The following SNX29 variants were observed in gnomAD, a reference collection of about 807,000 sequenced individuals.
The protein encoded by SNX29 is sorting nexin-29.
In SNX29, 78 loss-of-function variants were observed where a neutral mutation model predicts 102.1. That is an observed-to-expected ratio of 0.76 (90% CI 0.64 to 0.92). SNX29 has a LOEUF of 0.92. Among genes scored for constraint, SNX29 ranks in the 40% least tolerant of loss-of-function variants. SNX29 has a pLI of 0.00. For synonymous variants in SNX29, 580 were observed against 414.5 expected (o/e 1.40, Z -4.85); for missense variants, 1,280 against 1,061.7 (o/e 1.21, Z -2.86).
chr16:12,207,762 G>C (rs2077082326), intron 14 of SNX29, among the ~76,000 whole-genome samples: 1 of 152,140 alleles, frequency 6.6e-6, no homozygotes, highest in East Asian at 1.9e-4. Flanking sequence ...GGATCTTTCA[G>C]TTTCCTAAAC....
intron 11 of SNX29, among the ~76,000 whole-genome samples, chr16:12,097,130 T>C (rs2052799429): frequency 6.6e-6 from 1 of 152,224 alleles, no homozygotes; most frequent in African/African-American, 2.4e-5. Flanking sequence ...TATGAAGCCC[T>C]TGAGGAAGCA....
intron 20 of SNX29, among the ~76,000 whole-genome samples, chr16:12,528,406 G>C (rs2076844117): frequency 6.6e-6 from 1 of 151,988 alleles, no homozygotes; most frequent in Admixed American, 6.6e-5. Flanking sequence ...TGCCATGTTG[G>C]CCAGGCTGGT....
intron 19 of SNX29, among the ~76,000 whole-genome samples, chr16:12,523,029 C>G (rs2090158348): frequency 6.6e-6 from 1 of 152,166 alleles, no homozygotes; most frequent in African/African-American, 2.4e-5. Flanking sequence ...CCAGGCTGGT[C>G]TCAAACTCCT....
At chr16:12,547,731 G>A (rs993246758) in intron 20 of SNX29, among the ~76,000 whole-genome samples, 1 of 152,204 alleles carries the variant, frequency 6.6e-6, no homozygotes, top group East Asian at 1.9e-4. Flanking sequence ...ACCCATCACT[G>A]CCCCTCTAAG....
intron 16 of SNX29, among the ~76,000 whole-genome samples, chr16:12,396,743 G>A (rs1343491358): frequency 6.6e-6 from 1 of 152,190 alleles, no homozygotes; most frequent in African/African-American, 2.4e-5. Context: ...CTGGATTTGA[G>A]TGAAATGCAT....
At chr16:12,562,625 T>C (rs1056886453) in intron 20 of SNX29, among the ~76,000 whole-genome samples, 2 of 152,218 alleles carry the variant, frequency 1.3e-5, no homozygotes, top group African/African-American at 4.8e-5. Context: ...AGCTACAGGC[T>C]ATCAGGGTCT....
rs536994416 is a variant in SNX29 at position 12,571,492 on chromosome 16, G to C, written c.*2863G>C. 4.6e-5 allele frequency: 16 copies of C among 348,870 alleles called. No individual in the cohort carries two copies. The highest frequency in any genetic ancestry group is 7.1e-5 in the Non-Finnish European group (16 of 224,466). 21.6% of individuals were successfully genotyped at this position (348,870 alleles called of 1,614,324 possible). Reference sequence around the variant, plus strand: ...CCCTCCCCTACTCAGAGAGGAACGAGGGTGGCCCACCTCTCAAGGGCCTTG... The same window carrying C: ...CCCTCCCCTACTCAGAGAGGAACGACGGTGGCCCACCTCTCAAGGGCCTTG... On this transcript the variant is annotated 3_prime_UTR_variant, in exon 21 of 21. Coordinates refer to ENST00000566228, the MANE Select transcript of SNX29 (RefSeq NM_032167.5).
chr16:12,360,099 C>T (rs1445550347), intron 16 of SNX29, among the ~76,000 whole-genome samples: 1 of 152,246 alleles, frequency 6.6e-6, no homozygotes, highest in African/African-American at 2.4e-5. Flanking sequence ...GCTGGGATTA[C>T]TGGCGTGAGC....
chr16:12,120,187 T>C (rs2053914094), intron 11 of SNX29, among the ~76,000 whole-genome samples: 1 of 152,160 alleles, frequency 6.6e-6, no homozygotes, highest in South Asian at 2.1e-4. Context: ...CAGACAAAGA[T>C]ATAAAAAGCA....
At chr16:12,309,452 T>C (rs1192184775) in intron 15 of SNX29, among the ~76,000 whole-genome samples, 4 of 152,118 alleles carry the variant, frequency 2.6e-5, no homozygotes, top group Admixed American at 1.3e-4. Flanking sequence ...TCCCCTCCCA[T>C]CTGTTGCTCT....
intron 11 of SNX29, among the ~76,000 whole-genome samples, chr16:12,100,599 T>C (rs933462150): frequency 2.6e-5 from 4 of 151,930 alleles, no homozygotes; most frequent in Non-Finnish European, 4.4e-5. Flanking sequence ...AGTAGGGGCC[T>C]GAATAAAGTG....
At chr16:12,447,263 G>T (rs545849773) in intron 18 of SNX29, among the ~76,000 whole-genome samples, 13 of 150,250 alleles carry the variant, frequency 8.7e-5, no homozygotes, top group Non-Finnish European at 1.8e-4. Flanking sequence ...AAGCATCCAG[G>T]CAATTGAAGA....
At position 12,570,193 on chromosome 16, in the gene SNX29, T is replaced by TG. The variant is rs2079157229; in HGVS notation, c.*1565dup. 9.4e-7 allele frequency: 1 copy of TG among 1,064,144 alleles called. No individual in the cohort carries two copies. Among genetic ancestry groups the TG allele is most frequent in the African/African-American group, 1.6e-5 (1 of 61,080 alleles). The allele number at this position is 1,064,144 out of a possible 1,614,324, so 65.9% of individuals were successfully genotyped here. Reference sequence around the variant, plus strand: ...CCCAGAGAAACCGAGTCAGCCTACATGACTTCCAAGGGGACCTGGGGCCAG... The same window carrying TG: ...CCCAGAGAAACCGAGTCAGCCTACATGGACTTCCAAGGGGACCTGGGGCCAG... On this transcript the variant is annotated 3_prime_UTR_variant, in exon 21 of 21. Coordinates refer to ENST00000566228, the MANE Select transcript of SNX29 (RefSeq NM_032167.5).
intron 13 of SNX29, among the ~76,000 whole-genome samples, chr16:12,156,415 C>T (rs2055552247): frequency 6.6e-6 from 1 of 152,218 alleles, no homozygotes; most frequent in African/African-American, 2.4e-5. Context: ...AGGTGATCCG[C>T]CCACCTCAGC....
intron 9 of SNX29, among the ~76,000 whole-genome samples, chr16:12,062,981 T>C (rs2050843005): frequency 6.6e-6 from 1 of 152,290 alleles, no homozygotes; most frequent in African/African-American, 2.4e-5. Context: ...TGTCTGTCAG[T>C]TGCTGTGTCC....
intron 14 of SNX29, among the ~76,000 whole-genome samples, chr16:12,226,023 C>T (rs1374266748): frequency 6.6e-6 from 1 of 152,196 alleles, no homozygotes; most frequent in Non-Finnish European, 1.5e-5. Context: ...CAAATTCATA[C>T]AAGGTACTAA....
At chr16:12,144,140 GC>G (rs1467226784) in intron 13 of SNX29, among the ~76,000 whole-genome samples, 1 of 152,172 alleles carries the variant, frequency 6.6e-6, no homozygotes, top group Non-Finnish European at 1.5e-5. Context: ...ATTTTAAGTA[GC>G]AAGGACTTAA....
Position 12,061,564 on chromosome 16 carries a change from C to T in SNX29, c.1161C>T (p.His387=). The change falls in exon 9 of 21, where the codon CAC becomes CAT. Residue 387 remains histidine, a synonymous_variant. Transcript: ENST00000566228. ...GGAACACCTGCCTCTCCCAGATGCACAGCTGGGCTCCGCTGAAGGTGCTGC... is the reference window on the plus strand; with the variant it reads ...GGAACACCTGCCTCTCCCAGATGCATAGCTGGGCTCCGCTGAAGGTGCTGC... The part of the protein sequence containing the change: ...LEGNTCLSQM[H]SWAPLKVLHN... 3 of 1,610,338 alleles carry T rather than the reference C, an allele frequency of 1.9e-6. No individual in the cohort carries two copies. The highest frequency in any genetic ancestry group is 2.5e-6 in the Non-Finnish European group (3 of 1,178,740).
intron 20 of SNX29, among the ~76,000 whole-genome samples, chr16:12,566,069 C>G (rs945921669): frequency 2.6e-5 from 4 of 152,250 alleles, no homozygotes; most frequent in African/African-American, 4.8e-5. Context: ...CATTGTCTCT[C>G]TAGGCACTTG....
Sources: gnomAD v4.1 joint callset for allele counts (sites outside exome capture counted in the v4.1 genomes callset) on GRCh38, gnomAD v4.1.1 for gene constraint, MANE v1.5 for transcripts, NCBI Gene and HGNC (gene_info 2026-07-23, HGNC 2026-07-21) for gene names.